The following PHC3 variants were observed in gnomAD, a reference collection of about 807,000 sequenced individuals.
The protein encoded by PHC3 is polyhomeotic-like protein 3.
A neutral mutation model predicts 107.4 loss-of-function variants in PHC3; 13 were observed. The observed-to-expected ratio is 0.12, with a 90% CI of 0.08 to 0.19. The LOEUF is 0.19. PHC3 is among the 10% of genes least tolerant of loss of function. The pLI is 1.00. For synonymous variants in PHC3, 456 were observed against 427.4 expected (o/e 1.07, Z -0.83); for missense variants, 992 against 1,210.9 (o/e 0.82, Z 2.68).
chr3:170,150,307 A>G (rs1232618213), intron 4 of PHC3, among the ~76,000 whole-genome samples: 2 of 152,176 alleles, frequency 1.3e-5, no homozygotes, highest in East Asian at 3.8e-4. Flanking sequence ...AGCAAAAGAA[A>G]ATACTACTTC....
At chr3:170,118,401 A>C (rs1319899375) in intron 9 of PHC3, among the ~76,000 whole-genome samples, 2 of 152,106 alleles carry the variant, frequency 1.3e-5, no homozygotes, top group Non-Finnish European at 2.9e-5. Flanking sequence ...GTGTGCCACC[A>C]TGCCTGCCTG....
At chr3:170,140,267 T>C (rs1723824411) in intron 6 of PHC3, among the ~76,000 whole-genome samples, 2 of 151,262 alleles carry the variant, frequency 1.3e-5, no homozygotes, top group South Asian at 4.2e-4. Context: ...TCTTTTTCTT[T>C]TTTACTTTTT....
At chr3:170,142,689 T>C (rs1054188355) in intron 6 of PHC3, among the ~76,000 whole-genome samples, 2 of 152,340 alleles carry the variant, frequency 1.3e-5, no homozygotes, top group African/African-American at 4.8e-5. Flanking sequence ...TTCCTAGTTT[T>C]ATTTGTGTCT....
intron 4 of PHC3, among the ~76,000 whole-genome samples, chr3:170,151,962 T>C (rs1424772487): frequency 6.6e-6 from 1 of 152,178 alleles, no homozygotes; most frequent in African/African-American, 2.4e-5. Flanking sequence ...CAACTTCCTA[T>C]GATTTATAGG....
intron 8 of PHC3, 51 bp downstream of exon 8, chr3:170,128,633 A>C: frequency 6.4e-7 from 1 of 1,556,348 alleles, no homozygotes; most frequent in South Asian, 1.2e-5. Flanking sequence ...GGGAAAAAAT[A>C]GTTTTTACTT....
At chr3:170,171,196 A>C (rs898866063) in intron 4 of PHC3, 177 bp downstream of exon 4, 1 of 576,190 alleles carries the variant, frequency 1.7e-6, no homozygotes, top group Admixed American at 3.6e-5. Flanking sequence ...TCAGATTTTC[A>C]TAAGTTTAAC....
At position 170,146,232 on chromosome 3, in the gene PHC3, G is replaced by A. The variant is rs1039480916; in HGVS notation, c.574-711C>T. On this transcript the variant is annotated intron_variant, in intron 5 of 14. Transcript: ENST00000495893. ...TCTACTAATAATACAAAAATTAGCC[G>A]GGTGTGGTGGCTCATGCCTGTAATC... Among the ~76,000 whole-genome samples the A allele has an allele frequency of 7.3e-5, 11 of 151,706 alleles. No homozygotes were observed. In the Middle Eastern group the frequency reaches 0.01, roughly 141 times the overall value.
At chr3:170,121,976 G>A (rs187373542) in intron 9 of PHC3, among the ~76,000 whole-genome samples, 2 of 152,230 alleles carry the variant, frequency 1.3e-5, no homozygotes, top group African/African-American at 4.8e-5. Flanking sequence ...TTCCAGGCTG[G>A]GCATGGTAGC....
chr3:170,174,953 CTG>C lies in PHC3; in HGVS notation c.181-2243_181-2242del, dbSNP rs1437564403. 3.3e-5 allele frequency among the ~76,000 whole-genome samples: 5 copies of C among 152,268 alleles called. No homozygotes were observed. In the East Asian group the frequency reaches 9.6e-4, roughly 29 times the overall value. ...TACGGAAAAAAATTCTAAAATCAAA[CTG>C]AAATAACAATCTATTTGACACATAC... On this transcript the variant is annotated intron_variant, in intron 2 of 14. Coordinates refer to ENST00000495893, the MANE Select transcript of PHC3 (RefSeq NM_024947.4).
intron 7 of PHC3, among the ~76,000 whole-genome samples, chr3:170,129,823 C>T (rs997441356): frequency 4.6e-5 from 7 of 152,080 alleles, no homozygotes; most frequent in South Asian, 4.1e-4. Flanking sequence ...TCTCTGCCTC[C>T]GGAGTAGCTG....
intron 6 of PHC3, among the ~76,000 whole-genome samples, chr3:170,137,542 A>T (rs1723302376): frequency 6.6e-6 from 1 of 152,190 alleles, no homozygotes; most frequent in East Asian, 1.9e-4. Flanking sequence ...GAGACTCCGA[A>T]GTGATCAAGC....
chr3:170,130,615 T>A (rs982590767), intron 7 of PHC3, among the ~76,000 whole-genome samples: 7 of 152,128 alleles, frequency 4.6e-5, no homozygotes, highest in Non-Finnish European at 1.0e-4. Context: ...TTGTTAACCC[T>A]TTTCCCTCAC....
At chr3:170,140,019 C>T (rs890842548) in intron 6 of PHC3, among the ~76,000 whole-genome samples, 17 of 152,048 alleles carry the variant, frequency 1.1e-4, no homozygotes, top group Non-Finnish European at 1.2e-4. Flanking sequence ...AGAGGGCTTC[C>T]CTGCCAAAAT....
chr3:170,181,538 C>T (rs1731432590), intron 1 of PHC3, 164 bp downstream of exon 1: 3 of 1,026,014 alleles, frequency 2.9e-6, no homozygotes, highest in Non-Finnish European at 4.4e-6. Context: ...TCGTCTTCGC[C>T]CCGCGACACG....
intron 4 of PHC3, among the ~76,000 whole-genome samples, chr3:170,155,419 A>T (rs1726738209): frequency 6.6e-6 from 1 of 152,236 alleles, no homozygotes; most frequent in South Asian, 2.1e-4. Context: ...CACAAATGTG[A>T]AAAACATGTT....
intron 4 of PHC3, among the ~76,000 whole-genome samples, chr3:170,154,010 T>C (rs1418179828): frequency 6.6e-6 from 1 of 152,070 alleles, no homozygotes; most frequent in Non-Finnish European, 1.5e-5. Flanking sequence ...TCACCTGCTC[T>C]AATAAGCTTT....
At chr3:170,177,000 TATTGCCC>T in intron 2 of PHC3, 1 of 374,574 alleles carries the variant, frequency 2.7e-6, no homozygotes, top group Non-Finnish European at 5.4e-6. Context: ...TATAATACCA[TATTGCCC>T]CAACCTCCAT....
At chr3:170,173,743 CA>C (rs1460972419) in intron 2 of PHC3, among the ~76,000 whole-genome samples, 1 of 152,030 alleles carries the variant, frequency 6.6e-6, no homozygotes, top group Non-Finnish European at 1.5e-5. Flanking sequence ...AGTAAGATAC[CA>C]TTTTTATATT....
chr3:170,127,060 T>A (rs1296525377), intron 8 of PHC3, among the ~76,000 whole-genome samples: 1 of 152,140 alleles, frequency 6.6e-6, no homozygotes, highest in African/African-American at 2.4e-5. Flanking sequence ...AATTAAAAAT[T>A]TTTTGAAGGT....
Sources: allele counts gnomAD v4.1 joint callset (sites outside exome capture counted in the v4.1 genomes callset), GRCh38; gene constraint gnomAD v4.1.1; transcripts MANE v1.5; gene names NCBI Gene and HGNC (gene_info 2026-07-23, HGNC 2026-07-21).